PRR30: variants seen among roughly 807,000 people sequenced by gnomAD.
The protein encoded by PRR30 is proline rich 30.
For missense variants in PRR30, 546 were observed against 525.3 expected (o/e 1.04, Z -0.39); for synonymous variants, 229 against 222.7 (o/e 1.03, Z -0.25).
Position 27,138,280 on chromosome 2 carries a change from G to A in PRR30, c.50C>T (p.Pro17Leu), listed in dbSNP as rs374970677. ...TGAGAAGCCCCAAGTGGGGCGCCCA[G>A]GGAGCACTGAGGTCTGTGGCAGCAC... is the stretch of plus-strand genomic sequence containing the variant. ...DQVLPQTSVLPGRPTWGFSQL... is the reference protein window; with the variant it reads ...DQVLPQTSVLLGRPTWGFSQL... The change falls in exon 3 of 3, where the codon CCT (proline) becomes CTT (leucine). Residue 17 changes from proline (P) to leucine (L), a missense_variant. Physicochemically the swap from Pro to Leu is moderately conservative, Grantham distance 98. Coordinates refer to ENST00000335524, the MANE Select transcript of PRR30 (RefSeq NM_178553.4). 1.3e-5 allele frequency: 21 copies of A among 1,612,936 alleles called. No individual in the cohort carries two copies. In the Middle Eastern group the frequency reaches 1.9e-3, roughly 143 times the overall value.
At position 27,137,614 on chromosome 2, in the gene PRR30, C is replaced by A. The variant is rs1241455800; in HGVS notation, c.716G>T (p.Gly239Val). Residue 239 changes from glycine to valine, a missense_variant, in exon 3 of 3, where the codon GGC becomes GTC. By Grantham distance (109) the Gly-to-Val change is moderately radical. Coordinates refer to ENST00000335524, the MANE Select transcript of PRR30 (RefSeq NM_178553.4). The surrounding 1 kb of genome is among the most constrained non-coding windows in gnomAD (Gnocchi z 4.3). The stretch of plus-strand genomic sequence containing the variant: ...CACGACTGGGGCCTGGCCGGTTCTG[C>A]CTAGCCACAGGTGCTGCAAAAGCAG... ...RLLLLQHLWLGRTGQAPVVEY... is the reference protein window; with the variant it reads ...RLLLLQHLWLVRTGQAPVVEY... The A allele has an allele frequency of 2.5e-6, 4 of 1,610,994 alleles. No homozygotes were observed. In the Admixed American group the frequency reaches 5.0e-5, roughly 20 times the overall value.
rs368042400 is a variant in PRR30, at chr2:27,137,205, G to T, written c.1125C>A (p.Ser375=). ...LQSPNSPRCF[S]GPPPRAPKQV... is the part of the protein sequence containing the mutation. ...GTTTTGGTGCCCGAGGTGGAGGCCC[G>T]GAGAAACATCGTGGGGAGTTTGGTG... The change falls in exon 3 of 3, where the codon TCC becomes TCA. Residue 375 remains serine (S), a synonymous_variant. Transcript: ENST00000335524. The surrounding 1 kb of genome is among the most constrained non-coding windows in gnomAD (Gnocchi z 4.3). 1.9e-6 allele frequency: 3 copies of T among 1,614,202 alleles called. No homozygotes were observed. The highest frequency in any genetic ancestry group is 1.7e-6 in the Non-Finnish European group (2 of 1,180,026).
rs11121 is a variant in PRR30, at chr2:27,137,019, C to T, written c.*72G>A. The T allele has an allele frequency of 0.49, 756,640 of 1,536,802 alleles. 191,524 individuals are homozygous for T. The highest frequency in any genetic ancestry group is 0.69 in the East Asian group (29,940 of 43,130). ...CCCTTCAGGGTGTCTCGGGGACTCCCCGAGATCTGGGGCCTGGTTGGGAGG... is the reference window on the plus strand; with the variant it reads ...CCCTTCAGGGTGTCTCGGGGACTCCTCGAGATCTGGGGCCTGGTTGGGAGG... On this transcript the variant is annotated 3_prime_UTR_variant, in exon 3 of 3. Transcript: ENST00000335524. The surrounding 1 kb of genome is among the most constrained non-coding windows in gnomAD (Gnocchi z 4.3).
chr2:27,137,204 C>G lies in PRR30; in HGVS notation c.1126G>C (p.Gly376Arg). The G allele has an allele frequency of 6.2e-7, 1 of 1,614,158 alleles. No homozygotes were observed. ...QSPNSPRCFS[G>R]PPPRAPKQVT... The stretch of plus-strand genomic sequence containing the variant: ...TGTTTTGGTGCCCGAGGTGGAGGCC[C>G]GGAGAAACATCGTGGGGAGTTTGGT... The change falls in exon 3 of 3, where the codon GGG becomes CGG. Residue 376 changes from glycine to arginine, a missense_variant. Transcript: ENST00000335524. The surrounding 1 kb of genome is among the most constrained non-coding windows in gnomAD (Gnocchi z 4.3).
Position 27,138,098 on chromosome 2 carries a change from A to C in PRR30, c.232T>G (p.Ser78Ala). The stretch of plus-strand genomic sequence containing the variant: ...GGATGTGGAGCAAAGTCAGAATTTG[A>C]GTCACAAGAGCCGAATTGGAAGCCA... ...SPGFQFGSCD[S>A]NSDFAPHPYS... is the part of the protein sequence containing the mutation. Residue 78 changes from serine (S) to alanine (A), a missense_variant, in exon 3 of 3, where the codon TCA becomes GCA. Physicochemically the swap from Ser to Ala is moderately conservative, Grantham distance 99. Coordinates refer to ENST00000335524, the MANE Select transcript of PRR30 (RefSeq NM_178553.4). 6.2e-7 allele frequency: 1 copy of C among 1,613,906 alleles called. No individual in the cohort carries two copies. Among genetic ancestry groups the C allele is most frequent in the Non-Finnish European group, 8.5e-7 (1 of 1,179,986 alleles).
chr2:27,137,204 C>T lies in PRR30; in HGVS notation c.1126G>A (p.Gly376Arg), dbSNP rs573520109. 2.2e-5 allele frequency: 35 copies of T among 1,614,158 alleles called. No homozygotes were observed. In the South Asian group the frequency reaches 3.0e-4, roughly 14 times the overall value. Residue 376 changes from glycine (G) to arginine (R), a missense_variant, in exon 3 of 3, where the codon GGG becomes AGG. Transcript: ENST00000335524. This position sits in a 1 kb window ranked among gnomAD's most constrained non-coding sequence, Gnocchi z 4.3. Reference sequence around the variant, plus strand: ...TGTTTTGGTGCCCGAGGTGGAGGCCCGGAGAAACATCGTGGGGAGTTTGGT... The same window carrying T: ...TGTTTTGGTGCCCGAGGTGGAGGCCTGGAGAAACATCGTGGGGAGTTTGGT... The part of the protein sequence containing the change: ...QSPNSPRCFS[G>R]PPPRAPKQVT...
Position 27,137,046 on chromosome 2 carries a change from T to C in PRR30, c.*45A>G. 2 of 1,578,048 alleles carry C rather than the reference T, an allele frequency of 1.3e-6. No homozygotes were observed. The highest frequency in any genetic ancestry group is 1.7e-6 in the Non-Finnish European group (2 of 1,159,946). Reference sequence around the variant, plus strand: ...GAGATCTGGGGCCTGGTTGGGAGGGTTGGGTTTGGAGGGGGTGTTCCAGGG... The same window carrying C: ...GAGATCTGGGGCCTGGTTGGGAGGGCTGGGTTTGGAGGGGGTGTTCCAGGG... On this transcript the variant is annotated 3_prime_UTR_variant, in exon 3 of 3. Transcript: ENST00000335524. This position sits in a 1 kb window ranked among gnomAD's most constrained non-coding sequence, Gnocchi z 4.3.
rs1329865020 is a variant in PRR30, at chr2:27,138,027, G to A, written c.303C>T (p.Asn101=). 6.2e-7 allele frequency: 1 copy of A among 1,613,912 alleles called. No individual in the cohort carries two copies. The highest frequency in any genetic ancestry group is 1.7e-5 in the Admixed American group (1 of 60,000). ...CACGTGGACGGGGGAGAGAGAGGTAGTTCTGGTGAAAGAAAGTAGGGGAAC... is the reference window on the plus strand; with the variant it reads ...CACGTGGACGGGGGAGAGAGAGGTAATTCTGGTGAAAGAAAGTAGGGGAAC... ...LPSSPTFFHQ[N]YLSLPRPRAS... is the part of the protein sequence containing the mutation. Residue 101 remains asparagine (N), a synonymous_variant, in exon 3 of 3, where the codon AAC becomes AAT. Coordinates refer to ENST00000335524, the MANE Select transcript of PRR30 (RefSeq NM_178553.4).
At position 27,137,852 on chromosome 2, in the gene PRR30, G is replaced by A. The variant is rs1672543772; in HGVS notation, c.478C>T (p.Pro160Ser). 1 of 1,595,720 alleles carries A rather than the reference G, an allele frequency of 6.3e-7. No homozygotes were observed. Among genetic ancestry groups the A allele is most frequent in the Non-Finnish European group, 8.6e-7 (1 of 1,168,844 alleles). ...EELHSSTLTSPGPSPPSHRLH... is the reference protein window; with the variant it reads ...EELHSSTLTSSGPSPPSHRLH... ...CTATGAGAAGGTGGGCTGGGGCCTG[G>A]GGAAGTGAGTGTGGAGCTATGCAGT... The change falls in exon 3 of 3, where the codon CCA becomes TCA. Residue 160 changes from proline to serine, a missense_variant. Transcript: ENST00000335524. This position sits in a 1 kb window ranked among gnomAD's most constrained non-coding sequence, Gnocchi z 4.3.
Position 27,137,905 on chromosome 2 carries a change from G to A in PRR30, c.425C>T (p.Pro142Leu), listed in dbSNP as rs61741796. Residue 142 changes from proline to leucine, a missense_variant, in exon 3 of 3, where the codon CCT becomes CTT. Physicochemically the swap from Pro to Leu is moderately conservative, Grantham distance 98. Transcript: ENST00000335524. The surrounding 1 kb of genome is among the most constrained non-coding windows in gnomAD (Gnocchi z 4.3). ...CTCGGGGTGGGAAGGGGACTGGCAAGGTGAGTGGGGAAGGGAGGAGTTCTG... is the reference window on the plus strand; with the variant it reads ...CTCGGGGTGGGAAGGGGACTGGCAAAGTGAGTGGGGAAGGGAGGAGTTCTG... ...QPQNSSLPHSPCQSPSHPEEL... is the reference protein window; with the variant it reads ...QPQNSSLPHSLCQSPSHPEEL... 17,702 of 1,606,638 alleles carry A rather than the reference G, an allele frequency of 0.011. 112 individuals carry two copies. The highest frequency in any genetic ancestry group is 0.013 in the Non-Finnish European group (15,625 of 1,175,714).
At position 27,137,338 on chromosome 2, in the gene PRR30, C is replaced by G; in HGVS notation, c.992G>C (p.Cys331Ser). The stretch of plus-strand genomic sequence containing the variant: ...CTGAGATGCTGGCAATTGATGCCCA[C>G]AGGCCTGAGTAGCCTTGCCCTGAGG... ...AGPQGKATQA[C>S]GHQLPASQPP... is the part of the protein sequence containing the mutation. Residue 331 changes from cysteine to serine, a missense_variant, in exon 3 of 3, where the codon TGT becomes TCT. Cys to Ser is a moderately radical substitution (Grantham distance 112, BLOSUM62 -1). Coordinates refer to ENST00000335524, the MANE Select transcript of PRR30 (RefSeq NM_178553.4). The surrounding 1 kb of genome is among the most constrained non-coding windows in gnomAD (Gnocchi z 4.3). 1 of 1,614,218 alleles carries G rather than the reference C, an allele frequency of 6.2e-7. No homozygotes were observed. Among genetic ancestry groups the G allele is most frequent in the Non-Finnish European group, 8.5e-7 (1 of 1,180,036 alleles).
At position 27,137,205 on chromosome 2, in the gene PRR30, G is replaced by A. The variant is rs368042400; in HGVS notation, c.1125C>T (p.Ser375=). 44 of 1,614,084 alleles carry A rather than the reference G, an allele frequency of 2.7e-5. No homozygotes were observed. The highest frequency in any genetic ancestry group is 5.0e-5 in the Admixed American group (3 of 60,012). Residue 375 remains serine (S), a synonymous_variant, in exon 3 of 3, where the codon TCC becomes TCT. Transcript: ENST00000335524. This position sits in a 1 kb window ranked among gnomAD's most constrained non-coding sequence, Gnocchi z 4.3. ...GTTTTGGTGCCCGAGGTGGAGGCCC[G>A]GAGAAACATCGTGGGGAGTTTGGTG... is the stretch of plus-strand genomic sequence containing the variant. ...LQSPNSPRCF[S]GPPPRAPKQV... is the part of the protein sequence containing the mutation.
At position 27,137,999 on chromosome 2, in the gene PRR30, A is replaced by C; in HGVS notation, c.331T>G (p.Ser111Ala). The change falls in exon 3 of 3, where the codon TCC becomes GCC. Residue 111 changes from serine (S) to alanine (A), a missense_variant. By Grantham distance (99) the Ser-to-Ala change is moderately conservative. Coordinates refer to ENST00000335524, the MANE Select transcript of PRR30 (RefSeq NM_178553.4). The surrounding 1 kb of genome is among the most constrained non-coding windows in gnomAD (Gnocchi z 4.3). ...TACAGCCAGTGGTTGGAGGGAGAGG[A>C]TGCACGTGGACGGGGGAGAGAGAGG... ...NYLSLPRPRA[S>A]SPSNHWLYPS... The C allele has an allele frequency of 1.9e-6, 3 of 1,612,592 alleles. No individual in the cohort carries two copies. In the South Asian group the frequency reaches 3.3e-5, roughly 18 times the overall value.
At position 27,137,787 on chromosome 2, in the gene PRR30, G is replaced by T; in HGVS notation, c.543C>A (p.Tyr181Ter). Residue 181 changes from tyrosine to a stop codon, truncating the protein, a stop_gained, in exon 3 of 3, where the codon TAC becomes TAA. Coordinates refer to ENST00000335524, the MANE Select transcript of PRR30 (RefSeq NM_178553.4). LOFTEE classifies it low-confidence loss of function (END_TRUNC). This position sits in a 1 kb window ranked among gnomAD's most constrained non-coding sequence, Gnocchi z 4.3. ...SNRQTWRWHQ[Y>*]RDTGSGSPGV... ...CAGGGGACCCGGACCCAGTGTCCCTGTACTGATGCCAGCGCCATGTCTGCC... is the reference window on the plus strand; with the variant it reads ...CAGGGGACCCGGACCCAGTGTCCCTTTACTGATGCCAGCGCCATGTCTGCC... 3 of 1,608,928 alleles carry T rather than the reference G, an allele frequency of 1.9e-6. No homozygotes were observed. The highest frequency in any genetic ancestry group is 2.6e-6 in the Non-Finnish European group (3 of 1,176,302).
rs1432921105 is a variant in PRR30, at chr2:27,137,652, G to A, written c.678C>T (p.His226=). The A allele has an allele frequency of 9.9e-6, 16 of 1,612,934 alleles. No individual in the cohort carries two copies. Among genetic ancestry groups the A allele is most frequent in the East Asian group, 8.9e-5 (4 of 44,892 alleles). Residue 226 remains histidine (H), a synonymous_variant, in exon 3 of 3, where the codon CAC becomes CAT. Transcript: ENST00000335524. This position sits in a 1 kb window ranked among gnomAD's most constrained non-coding sequence, Gnocchi z 4.3. The part of the protein sequence containing the change: ...VVQLGHRRIA[H]DLRLLLLQHL... ...GCTGCAAAAGCAGTAGCCGCAGGTC[G>A]TGTGCGATGCGGCGGTGCCCCAGCT...
rs1011662920 is a variant in PRR30 at position 27,137,234 on chromosome 2, G to A, written c.1096C>T (p.Gln366Ter). 2 of 1,614,220 alleles carry A rather than the reference G, an allele frequency of 1.2e-6. No homozygotes were observed. Among genetic ancestry groups the A allele is most frequent in the Admixed American group, 3.3e-5 (2 of 60,028 alleles). Reference sequence around the variant, plus strand: ...AAACATCGTGGGGAGTTTGGTGATTGAAGGCCTGCAGACCTGAAGCTCCTG... The same window carrying A: ...AAACATCGTGGGGAGTTTGGTGATTAAAGGCCTGCAGACCTGAAGCTCCTG... ...QTRSFRSAGL[Q>*]SPNSPRCFSG... Residue 366 changes from glutamine to a stop codon, truncating the protein, a stop_gained, in exon 3 of 3, where the codon CAA becomes TAA. Coordinates refer to ENST00000335524, the MANE Select transcript of PRR30 (RefSeq NM_178553.4). LOFTEE classifies it low-confidence loss of function (END_TRUNC). The surrounding 1 kb of genome is among the most constrained non-coding windows in gnomAD (Gnocchi z 4.3).
In PRR30 at chr2:27,138,353, G is replaced by C. The variant is rs751688433; in HGVS notation, c.-24C>G. On this transcript the variant is annotated 5_prime_UTR_variant, in exon 3 of 3. Coordinates refer to ENST00000335524, the MANE Select transcript of PRR30 (RefSeq NM_178553.4). ...ATCGCCTTGAATCCAGAAGGAACTG[G>C]GGCAACAAGACTAGGGATAAGAGAC... is the stretch of plus-strand genomic sequence containing the variant. 2 of 1,570,094 alleles carry C rather than the reference G, an allele frequency of 1.3e-6. No homozygotes were observed. Among genetic ancestry groups the C allele is most frequent in the African/African-American group, 2.7e-5 (2 of 73,348 alleles).
At position 27,138,005 on chromosome 2, in the gene PRR30, G is replaced by T. The variant is rs200451312; in HGVS notation, c.325C>A (p.Arg109Ser). 9 of 1,613,036 alleles carry T rather than the reference G, an allele frequency of 5.6e-6. No homozygotes were observed. Among genetic ancestry groups the T allele is most frequent in the Non-Finnish European group, 7.6e-6 (9 of 1,179,694 alleles). ...CAGTGGTTGGAGGGAGAGGATGCAC[G>T]TGGACGGGGGAGAGAGAGGTAGTTC... ...HQNYLSLPRP[R>S]ASSPSNHWLY... Residue 109 changes from arginine to serine, a missense_variant, in exon 3 of 3, where the codon CGT (arginine) becomes AGT (serine). Coordinates refer to ENST00000335524, the MANE Select transcript of PRR30 (RefSeq NM_178553.4).
chr2:27,138,297 T>C lies in PRR30; in HGVS notation c.33A>G (p.Pro11=). 2 of 1,608,742 alleles carry C rather than the reference T, an allele frequency of 1.2e-6. No individual in the cohort carries two copies. The highest frequency in any genetic ancestry group is 1.7e-6 in the Non-Finnish European group (2 of 1,177,370). MLPQNKDQVL[P]QTSVLPGRPT... ...GGCGCCCAGGGAGCACTGAGGTCTG[T>C]GGCAGCACCTGGTCCTTGTTTTGAG... is the stretch of plus-strand genomic sequence containing the variant. The change falls in exon 3 of 3, where the codon CCA becomes CCG. Residue 11 remains proline (P), a synonymous_variant. Transcript: ENST00000335524.
Sources: allele counts gnomAD v4.1 joint callset, GRCh38; gene constraint gnomAD v4.1.1; non-coding constraint Gnocchi (gnomAD v3.1); transcripts MANE v1.5; gene names NCBI Gene and HGNC (gene_info 2026-07-23, HGNC 2026-07-21).